Variants in HLTF observed in about 807,000 individuals in gnomAD.
The protein encoded by HLTF is DNA-dependent ATPase/E3 ubiquitin-protein ligase HLTF.
A neutral mutation model predicts 129.4 loss-of-function variants in HLTF; 127 were observed. That is an observed-to-expected ratio of 0.98 (90% CI 0.85 to 1.14). The LOEUF (loss-of-function observed/expected upper bound fraction) is 1.14. HLTF is among the 50% of genes most tolerant of loss of function. HLTF has a pLI of 0.00. For missense variants in HLTF, 1,139 were observed against 1,187.1 expected, an observed-to-expected ratio of 0.96 and a Z score of 0.60; for synonymous variants, 332 against 388.8, an observed-to-expected ratio of 0.85 and a Z score of 1.72.
chr3:149,045,715 A>C (rs921355601), intron 18 of HLTF, among the ~76,000 whole-genome samples: 1 of 152,126 alleles, frequency 6.6e-6, no homozygotes, highest in Non-Finnish European at 1.5e-5. Context: ...TCTTGCTTGG[A>C]CCAGAATTTC....
intron 2 of HLTF, among the ~76,000 whole-genome samples, chr3:149,077,943 C>T (rs1322510157): frequency 6.6e-6 from 1 of 152,042 alleles, no homozygotes; most frequent in Non-Finnish European, 1.5e-5. Context: ...AAAGGATAGA[C>T]ATCACAGAAT....
chr3:149,071,133 G>T, intron 7 of HLTF, 119 bp downstream of exon 7: 1 of 579,492 alleles, frequency 1.7e-6, no homozygotes, highest in South Asian at 2.9e-5. Flanking sequence ...TACAAAGATA[G>T]TAAGATCTAG....
At chr3:149,042,495 A>G (rs1179871732) in intron 18 of HLTF, among the ~76,000 whole-genome samples, 1 of 152,152 alleles carries the variant, frequency 6.6e-6, no homozygotes, top group Non-Finnish European at 1.5e-5. Context: ...TGCCAATTGC[A>G]GTCTAAGTCA....
chr3:149,053,165 G>C (rs1350388125), intron 14 of HLTF, among the ~76,000 whole-genome samples: 1 of 152,174 alleles, frequency 6.6e-6, no homozygotes, highest in Non-Finnish European at 1.5e-5. Flanking sequence ...ACGGTATCTT[G>C]TTCAGATTGT....
intron 14 of HLTF, among the ~76,000 whole-genome samples, chr3:149,054,411 G>C (rs1028441536): frequency 2.0e-5 from 3 of 152,172 alleles, no homozygotes; most frequent in African/African-American, 7.2e-5. Flanking sequence ...TGGGAAAAGA[G>C]AGAATCCAAT....
chr3:149,073,751 C>T (rs1334554215), intron 4 of HLTF, among the ~76,000 whole-genome samples: 1 of 152,076 alleles, frequency 6.6e-6, no homozygotes, highest in Non-Finnish European at 1.5e-5. Flanking sequence ...CATTAAAAGC[C>T]TTGTATTTTA....
chr3:149,040,009 T>C (rs762672929), intron 21 of HLTF, 22 bp downstream of exon 21: 4 of 1,592,456 alleles, frequency 2.5e-6, no homozygotes, highest in Admixed American at 3.6e-5. Context: ...AATACTCAAA[T>C]ATTTGCACAT....
Position 149,050,246 on chromosome 3 carries a change from T to C in HLTF, c.1603A>G (p.Thr535Ala), listed in dbSNP as rs1004130708. Residue 535 changes from threonine (T) to alanine (A), a missense_variant, in exon 15 of 25, where the codon ACT becomes GCT. Coordinates refer to ENST00000310053, the MANE Select transcript of HLTF (RefSeq NM_003071.4). Reference sequence around the variant, plus strand: ...ACAATACTTACTCCATAGTCATGAGTTAAAATATTATACGTAGTCAAAACA... The same window carrying C: ...ACAATACTTACTCCATAGTCATGAGCTAAAATATTATACGTAGTCAAAACA... ...DIVLTTYNIL[T>A]HDYGTKGDSP... 6.3e-7 allele frequency: 1 copy of C among 1,584,698 alleles called. No homozygotes were observed. The highest frequency in any genetic ancestry group is 1.3e-5 in the African/African-American group (1 of 74,194).
chr3:149,071,026 C>G (rs1718803507), intron 7 of HLTF, among the ~76,000 whole-genome samples: 1 of 147,404 alleles, frequency 6.8e-6, no homozygotes, highest in Non-Finnish European at 1.5e-5. Flanking sequence ...GCCTGGGTGA[C>G]AGAGCAAGAC....
chr3:149,079,065 T>C (rs1719646630), intron 2 of HLTF, among the ~76,000 whole-genome samples: 1 of 152,064 alleles, frequency 6.6e-6, no homozygotes, highest in Admixed American at 6.5e-5. Flanking sequence ...GATAGGTCAA[T>C]TGAGATTATA....
At chr3:149,046,486 A>G (rs1275983280) in intron 17 of HLTF, among the ~76,000 whole-genome samples, 1 of 152,114 alleles carries the variant, frequency 6.6e-6, no homozygotes, top group African/African-American at 2.4e-5. Context: ...TACCTAACAT[A>G]GTTTAATCTT....
intron 13 of HLTF, among the ~76,000 whole-genome samples, chr3:149,057,136 A>G (rs2108008506): frequency 8.4e-6 from 1 of 118,522 alleles, no homozygotes; most frequent in South Asian, 2.7e-4. Flanking sequence ...AAAAAAAAAA[A>G]TACAGAATGG....
chr3:149,060,579 A>C, intron 12 of HLTF, 64 bp downstream of exon 12: 1 of 1,305,218 alleles, frequency 7.7e-7, no homozygotes, highest in East Asian at 2.3e-5. Context: ...GCGAGATACA[A>C]ATCAATGGAG....
chr3:149,045,601 C>T (rs967552927), intron 18 of HLTF, among the ~76,000 whole-genome samples: 1 of 152,114 alleles, frequency 6.6e-6, no homozygotes, highest in Non-Finnish European at 1.5e-5. Flanking sequence ...TTGTACCTAC[C>T]TCACTGAAGT....
At position 149,071,237 on chromosome 3, in the gene HLTF, G is replaced by T; in HGVS notation, c.894+15C>A. Reference sequence around the variant, plus strand: ...ACAAAATTAGATTTTATTAACTAAAGAAAAAAATAATTACCAAACCCATAT... The same window carrying T: ...ACAAAATTAGATTTTATTAACTAAATAAAAAAATAATTACCAAACCCATAT... On this transcript the variant is annotated intron_variant, in intron 7 of 24. Coordinates refer to ENST00000310053, the MANE Select transcript of HLTF (RefSeq NM_003071.4). 1 of 1,473,138 alleles carries T rather than the reference G, an allele frequency of 6.8e-7. No homozygotes were observed. Among genetic ancestry groups the T allele is most frequent in the Non-Finnish European group, 9.2e-7 (1 of 1,091,952 alleles). The allele number at this position is 1,473,138 out of a possible 1,614,324, so 91.3% of individuals were successfully genotyped here. A position where few individuals can be genotyped will look rare whatever the true frequency, so the allele number is the denominator to read the frequency against.
chr3:149,059,580 T>G, intron 13 of HLTF, 138 bp downstream of exon 13: 4 of 590,348 alleles, frequency 6.8e-6, no homozygotes, highest in Non-Finnish European at 1.2e-5. Flanking sequence ...TTTGTTCTTT[T>G]AATGGGTTAT....
At chr3:149,036,529 C>T (rs569964837) in intron 23 of HLTF, among the ~76,000 whole-genome samples, 2 of 152,062 alleles carry the variant, frequency 1.3e-5, no homozygotes, top group South Asian at 2.1e-4. Context: ...CCTCATGATC[C>T]GCCCACCTCG....
At chr3:149,047,817 A>G (rs1048902304) in intron 17 of HLTF, among the ~76,000 whole-genome samples, 7 of 152,318 alleles carry the variant, frequency 4.6e-5, no homozygotes, top group Admixed American at 3.3e-4. Context: ...CAGTTTAGCC[A>G]CAACAGGGGA....
rs1715942476 is a variant in HLTF at position 149,039,613 on chromosome 3, T to A, written c.2583A>T (p.Thr861=). The change falls in exon 22 of 25, where the codon ACA becomes ACT. Residue 861 remains threonine (T), a synonymous_variant. Coordinates refer to ENST00000310053, the MANE Select transcript of HLTF (RefSeq NM_003071.4). ...GTATTTCTATTAAAGACAGGAATGTTGTAAACTGAGAAACAACCAAACTTT... is the reference window on the plus strand; with the variant it reads ...GTATTTCTATTAAAGACAGGAATGTAGTAAACTGAGAAACAACCAAACTTT... The part of the protein sequence containing the change: ...NIKSLVVSQF[T]TFLSLIEIPL... 1.3e-6 allele frequency: 2 copies of A among 1,594,818 alleles called. No individual in the cohort carries two copies. Among genetic ancestry groups the A allele is most frequent in the South Asian group, 2.2e-5 (2 of 89,300 alleles).
Sources: gnomAD v4.1 joint callset for allele counts (sites outside exome capture counted in the v4.1 genomes callset) on GRCh38, gnomAD v4.1.1 for gene constraint, MANE v1.5 for transcripts, NCBI Gene and HGNC (gene_info 2026-07-23, HGNC 2026-07-21) for gene names.